ABCG1: variants seen among roughly 807,000 people sequenced by gnomAD.
The protein encoded by ABCG1 is ATP binding cassette subfamily G member 1.
Under a neutral mutation model 69.2 loss-of-function variants are expected in ABCG1, and 29 were observed. The ratio of observed to expected loss-of-function variants is 0.42; its 90% confidence interval spans 0.31 to 0.57. ABCG1 has a LOEUF of 0.57. ABCG1 is among the 20% of genes least tolerant of loss of function. The pLI, the probability that ABCG1 is intolerant of heterozygous loss-of-function variation, is 0.15. For missense variants in ABCG1, 718 were observed against 898.1 expected (o/e 0.80, Z 2.56); for synonymous variants, 370 against 374.8 (o/e 0.99, Z 0.15).
chr21:42,286,832 C>T (rs570207027), intron 8 of ABCG1, among the ~76,000 whole-genome samples: 5 of 152,148 alleles, frequency 3.3e-5, no homozygotes, highest in African/African-American at 9.7e-5. Context: ...TCCTCAATGT[C>T]GTCTGACCAG....
intron 4 of ABCG1, among the ~76,000 whole-genome samples, chr21:42,275,528 C>A (rs1249368386): frequency 2.6e-5 from 4 of 152,222 alleles, no homozygotes; most frequent in Non-Finnish European, 5.9e-5. Flanking sequence ...CTGAACAGCT[C>A]CTGCGTCTTG....
Position 42,288,177 on chromosome 21 carries a change from C to A in ABCG1, c.1123-34C>A, listed in dbSNP as rs1439383175. On this transcript the variant is annotated intron_variant, in intron 9 of 14. Coordinates refer to ENST00000398449, the MANE Select transcript of ABCG1 (RefSeq NM_016818.3). This position sits in a 1 kb window ranked among gnomAD's most constrained non-coding sequence, Gnocchi z 4.8. ...AGAAGGAGCCGTGGCTCCGGACTGG[C>A]TTTCACCCGCTCCCCTCTTGCGTGT... 1 of 1,612,266 alleles carries A rather than the reference C, an allele frequency of 6.2e-7. No homozygotes were observed. The highest frequency in any genetic ancestry group is 1.7e-5 in the Admixed American group (1 of 60,030).
chr21:42,254,918 G>A (rs1351302759), intron 2 of ABCG1, among the ~76,000 whole-genome samples: 3 of 152,184 alleles, frequency 2.0e-5, no homozygotes, highest in African/African-American at 2.4e-5. Context: ...GAAAAATCAC[G>A]GCTTTGGGTG....
chr21:42,290,008 G>A (rs1272342985), intron 10 of ABCG1, 42 bp from the exon 11 acceptor site: 9 of 1,613,672 alleles, frequency 5.6e-6, no homozygotes, highest in South Asian at 1.1e-5. Context: ...AGCCGAGGAC[G>A]GCTTTGCGAA....
intron 4 of ABCG1, among the ~76,000 whole-genome samples, chr21:42,275,524 A>G (rs1391804860): frequency 6.6e-6 from 1 of 152,210 alleles, no homozygotes; most frequent in Admixed American, 6.5e-5. Flanking sequence ...ATTCCTGAAC[A>G]GCTCCTGCGT....
chr21:42,255,340 TTGTG>T (rs1569221297), intron 2 of ABCG1, among the ~76,000 whole-genome samples: 1 of 152,188 alleles, frequency 6.6e-6, no homozygotes, highest in South Asian at 2.1e-4. Context: ...GCACGCATGA[TTGTG>T]TGTACATGGT....
rs1002455569 is a variant in ABCG1 at position 42,276,035 on chromosome 21, C to A, written c.538-860C>A. Among the ~76,000 whole-genome samples, 1 of 144,698 alleles carries A rather than the reference C, an allele frequency of 6.9e-6. No homozygotes were observed. Among genetic ancestry groups the A allele is most frequent in the Non-Finnish European group, 1.5e-5 (1 of 65,778 alleles). 94.9% of individuals were successfully genotyped at this position (144,698 alleles called of 152,430 possible). ...CCACCGCCCTGCATCTCACCCTCTC[C>A]TCTGATCCTCACAGCAACTTCTCTA... On this transcript the variant is annotated intron_variant, in intron 4 of 14. Coordinates refer to ENST00000398449, the MANE Select transcript of ABCG1 (RefSeq NM_016818.3). The surrounding 1 kb of genome is among the most constrained non-coding windows in gnomAD (Gnocchi z 5.3).
At chr21:42,246,986 A>G (rs2068143410) in intron 2 of ABCG1, among the ~76,000 whole-genome samples, 1 of 152,218 alleles carries the variant, frequency 6.6e-6, no homozygotes, top group Non-Finnish European at 1.5e-5. Flanking sequence ...TTTTAAAACT[A>G]TTCTAAAGAA....
rs185798930 is a variant in ABCG1, at chr21:42,286,846, G to A, written c.973+852G>A. ...TTCCTCAATGTCGTCTGACCAGAGAGCGGGAGGTGAGGGGAGTGTGGCCCA... is the reference window on the plus strand; with the variant it reads ...TTCCTCAATGTCGTCTGACCAGAGAACGGGAGGTGAGGGGAGTGTGGCCCA... On this transcript the variant is annotated intron_variant, in intron 8 of 14. Coordinates refer to ENST00000398449, the MANE Select transcript of ABCG1 (RefSeq NM_016818.3). Among the ~76,000 whole-genome samples, 210 of 152,338 alleles carry A rather than the reference G, an allele frequency of 1.4e-3. 3 individuals carry two copies. The South Asian group carries it at 0.02, about 15-fold the overall frequency.
intron 1 of ABCG1, among the ~76,000 whole-genome samples, chr21:42,201,099 C>G (rs896296038): frequency 6.6e-6 from 1 of 151,808 alleles, no homozygotes; most frequent in African/African-American, 2.4e-5. Flanking sequence ...AAGCCTGCCA[C>G]CAGATGTAGC....
chr21:42,273,056 C>A lies in ABCG1; in HGVS notation c.405-247C>A, dbSNP rs1162989558. ...GTTACCCTTAGTATAAACACACCAT[C>A]CCACGGAGGCCTGTGTGCAGCTTCC... On this transcript the variant is annotated intron_variant, in intron 3 of 14. Coordinates refer to ENST00000398449, the MANE Select transcript of ABCG1 (RefSeq NM_016818.3). The surrounding 1 kb of genome is among the most constrained non-coding windows in gnomAD (Gnocchi z 5.3). Among the ~76,000 whole-genome samples, 1 of 152,228 alleles carries A rather than the reference C, an allele frequency of 6.6e-6. No homozygotes were observed. The highest frequency in any genetic ancestry group is 2.4e-5 in the African/African-American group (1 of 41,446).
intron 14 of ABCG1, among the ~76,000 whole-genome samples, chr21:42,295,673 C>T (rs1202516891): frequency 6.6e-6 from 1 of 152,240 alleles, no homozygotes; most frequent in African/African-American, 2.4e-5. Flanking sequence ...TTTCGACAAT[C>T]TGCGTGTGCT....
chr21:42,235,765 C>T (rs921218252), intron 2 of ABCG1, among the ~76,000 whole-genome samples: 6 of 152,132 alleles, frequency 3.9e-5, no homozygotes, highest in African/African-American at 1.4e-4. Context: ...GTAAATGCTT[C>T]GTATCAGACT....
rs1021267922 is a variant in ABCG1, at chr21:42,259,057, C to T, written c.287-12013C>T. Among the ~76,000 whole-genome samples, 3 of 152,204 alleles carry T rather than the reference C, an allele frequency of 2.0e-5. No individual in the cohort carries two copies. In the East Asian group the frequency reaches 5.8e-4, roughly 29 times the overall value. ...CAAGCTTGCCTTTCTCTCAGACCTG[C>T]CTCAGTTGTCCTGTTCTCATACCCT... On this transcript the variant is annotated intron_variant, in intron 2 of 14. Transcript: ENST00000398449.
chr21:42,255,327 T>C lies in ABCG1; in HGVS notation c.287-15743T>C, dbSNP rs1177658839. Among the ~76,000 whole-genome samples, 4 of 152,316 alleles carry C rather than the reference T, an allele frequency of 2.6e-5. No individual in the cohort carries two copies. The South Asian group carries it at 6.2e-4, about 24-fold the overall frequency. On this transcript the variant is annotated intron_variant, in intron 2 of 14. Transcript: ENST00000398449. ...TATGATAGTGTGTACATGGTGTGTCTGTGCACGCATGATTGTGTGTACATG... is the reference window on the plus strand; with the variant it reads ...TATGATAGTGTGTACATGGTGTGTCCGTGCACGCATGATTGTGTGTACATG...
intron 8 of ABCG1, among the ~76,000 whole-genome samples, chr21:42,286,535 G>A (rs2068943253): frequency 6.6e-6 from 1 of 152,240 alleles, no homozygotes; most frequent in Non-Finnish European, 1.5e-5. Context: ...AGTAGGCTGT[G>A]ATGGAGAGGA....
Position 42,288,140 on chromosome 21 carries a change from T to A in ABCG1, c.1123-71T>A. The A allele has an allele frequency of 6.2e-7, 1 of 1,611,928 alleles. No homozygotes were observed. The highest frequency in any genetic ancestry group is 1.1e-5 in the South Asian group (1 of 91,048). On this transcript the variant is annotated intron_variant, in intron 9 of 14. Transcript: ENST00000398449. The surrounding 1 kb of genome is among the most constrained non-coding windows in gnomAD (Gnocchi z 4.8). Reference sequence around the variant, plus strand: ...GCACCGTGCACTGCTGCATGAGAGCTCTTTCCGAGCAAGAAGGAGCCGTGG... The same window carrying A: ...GCACCGTGCACTGCTGCATGAGAGCACTTTCCGAGCAAGAAGGAGCCGTGG...
At chr21:42,248,994 C>T (rs1171302092) in intron 2 of ABCG1, among the ~76,000 whole-genome samples, 2 of 151,684 alleles carry the variant, frequency 1.3e-5, no homozygotes, top group African/African-American at 4.8e-5. Flanking sequence ...AGCACAGTTA[C>T]AGGCATCAAC....
rs756514121 is a variant in ABCG1, at chr21:42,273,445, G to T, written c.537+10G>T. The stretch of plus-strand genomic sequence containing the variant: ...GCAGGAGGCCATGATGGTGAGCTCC[G>T]CCCTGCCCCGCCCCACTCCGCCCCT... On this transcript the variant is annotated intron_variant, in intron 4 of 14. Transcript: ENST00000398449. The surrounding 1 kb of genome is among the most constrained non-coding windows in gnomAD (Gnocchi z 5.3). The T allele has an allele frequency of 1.2e-6, 2 of 1,610,284 alleles. No individual in the cohort carries two copies. Among genetic ancestry groups the T allele is most frequent in the Admixed American group, 3.3e-5 (2 of 59,844 alleles).
Sources: allele counts gnomAD v4.1 joint callset (sites outside exome capture counted in the v4.1 genomes callset), GRCh38; gene constraint gnomAD v4.1.1; non-coding constraint Gnocchi (gnomAD v3.1); transcripts MANE v1.5; gene names NCBI Gene and HGNC (gene_info 2026-07-23, HGNC 2026-07-21).